Variants in BACH1 observed in about 807,000 individuals in gnomAD.
BACH1 encodes the protein transcription regulator protein BACH1.
A neutral mutation model predicts 52.9 loss-of-function variants in BACH1; 35 were observed. The observed-to-expected ratio is 0.66, with a 90% confidence interval of 0.51 to 0.88. The LOEUF is 0.88. BACH1 is among the 40% of genes least tolerant of loss of function. The pLI is 0.00. For synonymous variants in BACH1, 321 were observed against 319.6 expected (o/e 1.00, Z -0.05); for missense variants, 808 against 872.6 (o/e 0.93, Z 0.93).
At chr21:29,331,306 G>C (rs1040524870) in intron 4 of BACH1, among the ~76,000 whole-genome samples, 1 of 152,084 alleles carries the variant, frequency 6.6e-6, no homozygotes, top group Non-Finnish European at 1.5e-5. Context: ...GCTCTTTCTC[G>C]TCTGCCAGCT....
chr21:29,335,538 T>G (rs2047454355), intron 4 of BACH1, among the ~76,000 whole-genome samples: 1 of 152,182 alleles, frequency 6.6e-6, no homozygotes, highest in Admixed American at 6.5e-5. Flanking sequence ...GAGCTTCATG[T>G]CAGCACCCCC....
chr21:29,349,010 C>T (rs1250826474), downstream of BACH1, among the ~76,000 whole-genome samples: 6 of 151,614 alleles, frequency 4.0e-5, no homozygotes, highest in Admixed American at 6.6e-5. Context: ...AGGAGAATGG[C>T]GTGAACCCAG....
At chr21:29,327,753 G>A (rs2088931521) in intron 3 of BACH1, among the ~76,000 whole-genome samples, 2 of 152,190 alleles carry the variant, frequency 1.3e-5, no homozygotes, top group South Asian at 4.1e-4. Context: ...TGTGGGAGGC[G>A]GAGGTTGCAG....
intron 2 of BACH1, among the ~76,000 whole-genome samples, chr21:29,353,353 C>A (rs1287328166): frequency 6.6e-6 from 1 of 152,068 alleles, no homozygotes; most frequent in Non-Finnish European, 1.5e-5. Flanking sequence ...CAGAAGGCCC[C>A]ATGACACAGC....
chr21:29,311,904 T>C (rs2088727822), intron 1 of BACH1, among the ~76,000 whole-genome samples: 1 of 152,224 alleles, frequency 6.6e-6, no homozygotes, highest in Non-Finnish European at 1.5e-5. Context: ...TCATTATTTG[T>C]CTATTCTAAA....
intron 1 of BACH1, chr21:29,305,374 G>C (rs2088644920): frequency 6.6e-6 from 1 of 152,108 alleles, no homozygotes; most frequent in Non-Finnish European, 1.5e-5. Flanking sequence ...GTAAAAGACT[G>C]TCACAAGTGC....
chr21:29,331,080 A>G (rs2088975892), intron 4 of BACH1, among the ~76,000 whole-genome samples: 1 of 152,132 alleles, frequency 6.6e-6, no homozygotes, highest in African/African-American at 2.4e-5. Context: ...TATCAGTAAT[A>G]CCTTTAATAA....
At chr21:29,321,672 A>G (rs1422751687) in intron 2 of BACH1, among the ~76,000 whole-genome samples, 158 bp downstream of exon 2, 1 of 141,850 alleles carries the variant, frequency 7.0e-6, no homozygotes, top group Non-Finnish European at 1.5e-5. Flanking sequence ...AGTTTTTTTA[A>G]TGTAAAATCA....
chr21:29,322,174 C>T (rs1413144980), intron 2 of BACH1, among the ~76,000 whole-genome samples: 1 of 152,122 alleles, frequency 6.6e-6, no homozygotes, highest in Non-Finnish European at 1.5e-5. Flanking sequence ...GGGTCCCTCC[C>T]ATGACGTGGC....
chr21:29,301,477 T>C (rs1273960432), intron 1 of BACH1, among the ~76,000 whole-genome samples: 2 of 152,332 alleles, frequency 1.3e-5, no homozygotes, highest in East Asian at 3.9e-4. Context: ...TAATATTCCA[T>C]TTAAGTTTTA....
chr21:29,318,337 G>C (rs1298073638), intron 1 of BACH1, among the ~76,000 whole-genome samples: 1 of 152,164 alleles, frequency 6.6e-6, no homozygotes, highest in African/African-American at 2.4e-5. Context: ...TAAGAGATTG[G>C]ATAGAGGTGC....
At chr21:29,349,625 C>T (rs1013665500), downstream of BACH1, among the ~76,000 whole-genome samples, 17 of 152,124 alleles carry the variant, frequency 1.1e-4, no homozygotes, top group African/African-American at 4.1e-4. Context: ...TAGTACATTC[C>T]AGAAAGTGGG....
chr21:29,341,253 T>G (rs1220683637), intron 4 of BACH1, among the ~76,000 whole-genome samples: 1 of 152,238 alleles, frequency 6.6e-6, no homozygotes, highest in African/African-American at 2.4e-5. Flanking sequence ...AGATTAGCAC[T>G]ATGAACTAAC....
At chr21:29,346,816 G>A (rs1011826447), downstream of BACH1, among the ~76,000 whole-genome samples, 3 of 151,926 alleles carry the variant, frequency 2.0e-5, no homozygotes, top group African/African-American at 4.8e-5. Flanking sequence ...GGTGAGAAAC[G>A]TGGGATTTCA....
At chr21:29,332,985 A>G (rs2089002948) in intron 4 of BACH1, among the ~76,000 whole-genome samples, 1 of 151,772 alleles carries the variant, frequency 6.6e-6, no homozygotes, top group Non-Finnish European at 1.5e-5. Context: ...AGAGTGACTC[A>G]TTTGTGTTTC....
intron 1 of BACH1, among the ~76,000 whole-genome samples, chr21:29,312,407 C>T (rs1286166312): frequency 2.0e-5 from 3 of 152,152 alleles, no homozygotes; most frequent in Non-Finnish European, 4.4e-5. Context: ...ACTGTCACCA[C>T]TCTCACTATT....
intron 1 of BACH1, among the ~76,000 whole-genome samples, chr21:29,307,573 C>A (rs2088673569): frequency 6.6e-6 from 1 of 152,188 alleles, no homozygotes; most frequent in Non-Finnish European, 1.5e-5. Flanking sequence ...AAGAGACAAA[C>A]ATCACATTCA....
chr21:29,328,361 TGTTA>T (rs1216964338), intron 3 of BACH1, among the ~76,000 whole-genome samples: 7 of 152,302 alleles, frequency 4.6e-5, no homozygotes, highest in South Asian at 2.1e-4. Flanking sequence ...GACAAGGGCC[TGTTA>T]GTTCCTTCCA....
At chr21:29,326,016 A>G (rs1359185156) in intron 2 of BACH1, 43 bp from the exon 3 acceptor site, 1 of 1,541,606 alleles carries the variant, frequency 6.5e-7, no homozygotes, top group African/African-American at 1.4e-5. Context: ...TGTACTAGAC[A>G]GCTTTCAAAT....
Sources: allele counts gnomAD v4.1 joint callset (sites outside exome capture counted in the v4.1 genomes callset), GRCh38; gene constraint gnomAD v4.1.1; transcripts MANE v1.5; gene names NCBI Gene and HGNC (gene_info 2026-07-23, HGNC 2026-07-21).